The following ZSWIM5 variants were observed in gnomAD, a reference collection of about 807,000 sequenced individuals.
ZSWIM5 encodes the protein zinc finger SWIM-type containing 5, also known as zinc finger SWIM domain-containing protein 5.
A neutral mutation model predicts 119.6 loss-of-function variants in ZSWIM5; 55 were observed. The ratio of observed to expected loss-of-function variants is 0.46; its 90% confidence interval spans 0.37 to 0.58. The LOEUF (loss-of-function observed/expected upper bound fraction) is 0.58. Among genes scored for constraint, ZSWIM5 ranks in the 20% least tolerant of loss-of-function variants. The pLI, the probability that ZSWIM5 is intolerant of heterozygous loss-of-function variation, is 0.00. For missense variants in ZSWIM5, 1,193 were observed against 1,512.8 expected (o/e 0.79, Z 3.51); for synonymous variants, 537 against 606.9 (o/e 0.88, Z 1.69).
At chr1:45,138,232 G>A (rs534484025) in intron 1 of ZSWIM5, among the ~76,000 whole-genome samples, 4 of 151,924 alleles carry the variant, frequency 2.6e-5, no homozygotes, top group East Asian at 1.9e-4. Context: ...GGCTGGGCAC[G>A]GTGGCTCACA....
At chr1:45,092,548 C>A (rs532434407) in intron 1 of ZSWIM5, among the ~76,000 whole-genome samples, 3 of 113,550 alleles carry the variant, frequency 2.6e-5, no homozygotes, top group Non-Finnish European at 5.9e-5. Flanking sequence ...ACCCCCCCCC[C>A]CCCGCCAGCC....
intron 1 of ZSWIM5, among the ~76,000 whole-genome samples, chr1:45,136,534 T>C (rs1433869801): frequency 1.3e-5 from 2 of 152,154 alleles, no homozygotes; most frequent in Non-Finnish European, 2.9e-5. Context: ...CTGGGCCTGT[T>C]TCTCTTGTCT....
chr1:45,171,105 C>A (rs766414236), intron 1 of ZSWIM5, among the ~76,000 whole-genome samples: 4 of 151,996 alleles, frequency 2.6e-5, no homozygotes, highest in Non-Finnish European at 5.9e-5. Flanking sequence ...TTTAACAGTG[C>A]AGAACTAAGA....
chr1:45,027,781 T>G (rs2148988697), intron 11 of ZSWIM5, among the ~76,000 whole-genome samples: 1 of 152,302 alleles, frequency 6.6e-6, no homozygotes, highest in South Asian at 2.1e-4. Context: ...CAGGCTCAAG[T>G]GATCCTCCCA....
chr1:45,048,057 CTTTCTTT>C (rs763375148), intron 5 of ZSWIM5, among the ~76,000 whole-genome samples: 3,946 of 44,734 alleles, frequency 0.088, 185 homozygotes, highest in African/African-American at 0.24. Flanking sequence ...TTCTTTCTTT[CTTTCTTT>C]CTTTCCTTTT....
At chr1:45,180,368 G>A (rs565696157) in intron 1 of ZSWIM5, among the ~76,000 whole-genome samples, 21 of 152,300 alleles carry the variant, frequency 1.4e-4, no homozygotes, top group South Asian at 4.1e-4. Flanking sequence ...AGGCAGCAGC[G>A]AGGCTGGGGG....
chr1:45,105,896 C>T (rs12354103), intron 1 of ZSWIM5, among the ~76,000 whole-genome samples: 18,523 of 135,612 alleles, frequency 0.14, 1,575 homozygotes, highest in African/African-American at 0.24. Flanking sequence ...CACCTCTGCC[C>T]GGCCGCCCCG....
At chr1:45,175,917 A>G (rs1381840692) in intron 1 of ZSWIM5, among the ~76,000 whole-genome samples, 3 of 151,832 alleles carry the variant, frequency 2.0e-5, no homozygotes, top group East Asian at 1.9e-4. Context: ...ATGTGTTGCT[A>G]TAATTCTTTA....
chr1:45,044,505 T>C (rs1645036053), intron 5 of ZSWIM5, among the ~76,000 whole-genome samples: 2 of 149,604 alleles, frequency 1.3e-5, no homozygotes, highest in Non-Finnish European at 1.5e-5. Context: ...GGGCGGATCA[T>C]GAGGTCAGGA....
intron 5 of ZSWIM5, among the ~76,000 whole-genome samples, chr1:45,043,725 G>A (rs532186644): frequency 3.9e-5 from 6 of 152,200 alleles, no homozygotes; most frequent in African/African-American, 7.2e-5. Context: ...TGAAATAGAA[G>A]AGGAGTAGTG....
chr1:45,021,946 T>C (rs1489996531), intron 11 of ZSWIM5, among the ~76,000 whole-genome samples: 2 of 145,412 alleles, frequency 1.4e-5, no homozygotes, highest in African/African-American at 5.1e-5. Context: ...AGCTTGAACC[T>C]GGGAGGCGGA....
intron 1 of ZSWIM5, among the ~76,000 whole-genome samples, chr1:45,128,479 G>A (rs902088814): frequency 6.6e-6 from 1 of 152,166 alleles, no homozygotes; most frequent in Non-Finnish European, 1.5e-5. Flanking sequence ...GATTACAGGT[G>A]TATGCCACCG....
intron 1 of ZSWIM5, among the ~76,000 whole-genome samples, chr1:45,104,741 C>T (rs946593017): frequency 3.3e-5 from 5 of 152,164 alleles, no homozygotes; most frequent in Admixed American, 6.5e-5. Flanking sequence ...GCCCTTCTTG[C>T]GGCCATCTGC....
At chr1:45,095,644 C>G (rs543974970) in intron 1 of ZSWIM5, among the ~76,000 whole-genome samples, 1 of 152,144 alleles carries the variant, frequency 6.6e-6, no homozygotes. Context: ...TATTGCATCA[C>G]ATCAGGAGAC....
chr1:45,022,919 T>C (rs6429555), intron 11 of ZSWIM5, among the ~76,000 whole-genome samples: 9,943 of 152,334 alleles, frequency 0.065, 1,089 homozygotes, highest in African/African-American at 0.23. Context: ...CATAGTGGCT[T>C]GTGCCCAGCA....
rs1644873297 is a variant in ZSWIM5, at chr1:45,019,274, A to G, written c.2738T>C (p.Leu913Pro). Residue 913 changes from leucine to proline, a missense_variant, in exon 14 of 14, where the codon CTC becomes CCC. Coordinates refer to ENST00000359600, the MANE Select transcript of ZSWIM5 (RefSeq NM_020883.2). The surrounding 1 kb of genome is among the most constrained non-coding windows in gnomAD (Gnocchi z 5.0). ...ACTAGTAGCCTCAGTAGGGGTGAAGAGTGTGTACCAGCTCTGCAAGATGCT... is the reference window on the plus strand; with the variant it reads ...ACTAGTAGCCTCAGTAGGGGTGAAGGGTGTGTACCAGCTCTGCAAGATGCT... ...LVSILQSWYT[L>P]FTPTEATSIV... 6.2e-7 allele frequency: 1 copy of G among 1,613,460 alleles called. No homozygotes were observed. Among genetic ancestry groups the G allele is most frequent in the South Asian group, 1.1e-5 (1 of 91,084 alleles).
intron 11 of ZSWIM5, among the ~76,000 whole-genome samples, chr1:45,026,685 C>A (rs1042220284): frequency 6.6e-6 from 1 of 152,052 alleles, no homozygotes; most frequent in African/African-American, 2.4e-5. Context: ...CTTTTCCTTT[C>A]TTGTAATGTC....
At chr1:45,178,949 A>G (rs1277063821) in intron 1 of ZSWIM5, among the ~76,000 whole-genome samples, 1 of 152,096 alleles carries the variant, frequency 6.6e-6, no homozygotes, top group Non-Finnish European at 1.5e-5. Flanking sequence ...AAATGAATGA[A>G]TTCCACAAGG....
chr1:45,081,430 C>A (rs970348144), intron 2 of ZSWIM5, among the ~76,000 whole-genome samples: 1 of 152,228 alleles, frequency 6.6e-6, no homozygotes, highest in Non-Finnish European at 1.5e-5. Flanking sequence ...CCTGCCTCAG[C>A]CTGCGGAGTG....
Sources: gnomAD v4.1 joint callset for allele counts (sites outside exome capture counted in the v4.1 genomes callset) on GRCh38, gnomAD v4.1.1 for gene constraint, Gnocchi (gnomAD v3.1) non-coding constraint, MANE v1.5 for transcripts, NCBI Gene and HGNC (gene_info 2026-07-23, HGNC 2026-07-21) for gene names.